The following RFX3 variants were observed in gnomAD, a reference collection of about 807,000 sequenced individuals.
RFX3 encodes transcription factor RFX3.
RFX3 carries 14 observed loss-of-function variants against 98.6 expected under a neutral mutation model. The ratio of observed to expected loss-of-function variants is 0.14; its 90% CI spans 0.09 to 0.22. The LOEUF is 0.22. Ranked by LOEUF, RFX3 falls within the 10% of genes least tolerant of loss-of-function variation. The pLI is 1.00. For synonymous variants in RFX3, 383 were observed against 328.4 expected, an observed-to-expected ratio of 1.17 and a Z score of -1.80; for missense variants, 639 against 926.9, an observed-to-expected ratio of 0.69 and a Z score of 4.03.
intron 6 of RFX3, among the ~76,000 whole-genome samples, chr9:3,290,907 A>C (rs1033420452): frequency 1.3e-5 from 2 of 152,096 alleles, no homozygotes; most frequent in African/African-American, 4.8e-5. Flanking sequence ...AAACCAGAAA[A>C]AATTCCCCTC....
chr9:3,256,971 A>G lies in RFX3; in HGVS notation c.1814+20T>C. 6.2e-7 allele frequency: 1 copy of G among 1,608,138 alleles called. No homozygotes were observed. ...TTGCAGAATATGAAGAAGAAAGCCT[A>G]GGAAAAACCTAGATGATACCTGTAG... On this transcript the variant is annotated intron_variant, in intron 14 of 16. Transcript: ENST00000617270.
chr9:3,347,969 A>T (rs1304176243), intron 2 of RFX3, among the ~76,000 whole-genome samples: 2 of 152,138 alleles, frequency 1.3e-5, no homozygotes, highest in African/African-American at 4.8e-5. Flanking sequence ...ATCATCTAAA[A>T]CTCAGTCATT....
chr9:3,357,271 C>T (rs1429955789), intron 2 of RFX3, among the ~76,000 whole-genome samples: 1 of 151,922 alleles, frequency 6.6e-6, no homozygotes, highest in Non-Finnish European at 1.5e-5. Flanking sequence ...TTATAATCAT[C>T]CATTAAAATC....
intron 2 of RFX3, among the ~76,000 whole-genome samples, chr9:3,377,605 A>G (rs1161199435): frequency 6.6e-6 from 1 of 152,174 alleles, no homozygotes; most frequent in African/African-American, 2.4e-5. Context: ...AAAAGAATAT[A>G]TGTTGTATGA....
intron 4 of RFX3, among the ~76,000 whole-genome samples, chr9:3,312,097 A>C (rs1488032718): frequency 1.3e-5 from 2 of 152,198 alleles, no homozygotes; most frequent in Non-Finnish European, 2.9e-5. Context: ...AACTGAATAG[A>C]GTAGAAAATA....
At chr9:3,372,037 C>T (rs78906891) in intron 2 of RFX3, among the ~76,000 whole-genome samples, 4,036 of 152,200 alleles carry the variant, frequency 0.027, 194 homozygotes, top group African/African-American at 0.093. Context: ...ATATTACATG[C>T]CCCAAATCTG....
At chr9:3,234,282 T>C (rs900332942) in intron 15 of RFX3, among the ~76,000 whole-genome samples, 16 of 152,324 alleles carry the variant, frequency 1.1e-4, no homozygotes, top group Admixed American at 9.2e-4. Flanking sequence ...CCTACCAGTG[T>C]AGTGCAAAAA....
In RFX3 at chr9:3,524,432, T is replaced by C. The variant is rs987319295; in HGVS notation, c.-9+1315A>G. The C allele has an allele frequency of 8.5e-6, 6 of 702,912 alleles. No homozygotes were observed. In the African/African-American group the frequency reaches 9.6e-5, roughly 11 times the overall value. 43.5% of individuals were successfully genotyped at this position (702,912 alleles called of 1,614,324 possible). A position where few individuals can be genotyped will look rare whatever the true frequency, so the allele number is the denominator to read the frequency against. On this transcript the variant is annotated intron_variant, in intron 1 of 16. Coordinates refer to ENST00000617270, the MANE Select transcript of RFX3 (RefSeq NM_001282116.2). ...AAGTAAATAAAAAGAATATGTTAAGTACACACATGCCTAGATCTTAACCAG... is the reference window on the plus strand; with the variant it reads ...AAGTAAATAAAAAGAATATGTTAAGCACACACATGCCTAGATCTTAACCAG...
At chr9:3,379,917 T>C (rs1460530542) in intron 2 of RFX3, among the ~76,000 whole-genome samples, 2 of 133,062 alleles carry the variant, frequency 1.5e-5, no homozygotes, top group Non-Finnish European at 3.2e-5. Context: ...TATTTATTTA[T>C]TTATTTACTT....
At chr9:3,270,073 A>G (rs1341732059) in intron 11 of RFX3, among the ~76,000 whole-genome samples, 1 of 108,082 alleles carries the variant, frequency 9.3e-6, no homozygotes, top group Non-Finnish European at 1.7e-5. Context: ...AGAAAGAAAG[A>G]GAAAGAAGGA....
chr9:3,496,334 T>C (rs1342639829), intron 1 of RFX3, among the ~76,000 whole-genome samples: 1 of 152,030 alleles, frequency 6.6e-6, no homozygotes. Context: ...TGCCCCAAGA[T>C]TGAAATCTGA....
At chr9:3,310,428 C>T (rs1326240085) in intron 4 of RFX3, among the ~76,000 whole-genome samples, 1 of 152,024 alleles carries the variant, frequency 6.6e-6, no homozygotes, top group African/African-American at 2.4e-5. Context: ...CATGTTCTCT[C>T]GACTCTGAAA....
intron 13 of RFX3, among the ~76,000 whole-genome samples, chr9:3,258,142 G>T (rs1563813949): frequency 6.6e-6 from 1 of 152,126 alleles, no homozygotes; most frequent in Non-Finnish European, 1.5e-5. Context: ...ATTAATTTAT[G>T]TGGGCCTCAG....
intron 2 of RFX3, among the ~76,000 whole-genome samples, chr9:3,351,727 T>G (rs1335177033): frequency 6.6e-6 from 1 of 151,906 alleles, no homozygotes; most frequent in Non-Finnish European, 1.5e-5. Context: ...TTAAACATAA[T>G]CAGATAACTT....
chr9:3,409,948 C>T (rs1842310704), intron 1 of RFX3, among the ~76,000 whole-genome samples: 2 of 151,900 alleles, frequency 1.3e-5, no homozygotes. Flanking sequence ...TTCTAATAGG[C>T]TATGGTTAAT....
At chr9:3,337,783 A>T (rs1374104424) in intron 3 of RFX3, among the ~76,000 whole-genome samples, 1 of 152,228 alleles carries the variant, frequency 6.6e-6, no homozygotes, top group East Asian at 1.9e-4. Flanking sequence ...AACATCTTTC[A>T]ATAAATTCTT....
chr9:3,249,715 A>G (rs645583), intron 14 of RFX3, among the ~76,000 whole-genome samples: 118,583 of 151,956 alleles, frequency 0.78, 47,853 homozygotes, highest in Non-Finnish European at 0.88. Context: ...GACCCGGGTT[A>G]CCACTATGTG....
At chr9:3,341,472 G>C (rs1266837242) in intron 3 of RFX3, among the ~76,000 whole-genome samples, 1 of 151,962 alleles carries the variant, frequency 6.6e-6, no homozygotes, top group African/African-American at 2.4e-5. Flanking sequence ...AAGGGCAATT[G>C]TATTGTAATG....
intron 1 of RFX3, chr9:3,453,709 T>C (rs1587723691): frequency 1.1e-5 from 1 of 89,524 alleles, no homozygotes; most frequent in East Asian, 4.1e-4. Flanking sequence ...GACTCTTTTT[T>C]CAAAAAAAAA....
Sources: allele counts gnomAD v4.1 joint callset (sites outside exome capture counted in the v4.1 genomes callset), GRCh38; gene constraint gnomAD v4.1.1; transcripts MANE v1.5; gene names NCBI Gene and HGNC (gene_info 2026-07-23, HGNC 2026-07-21).